MPDZ: variants seen among roughly 807,000 people sequenced by gnomAD.
The protein encoded by MPDZ is multiple PDZ domain crumbs cell polarity complex component, also known as multiple PDZ domain protein.
In MPDZ, 234 loss-of-function variants were observed where a neutral mutation model predicts 239.1. That is an observed-to-expected ratio of 0.98 (90% CI 0.88 to 1.09). The LOEUF is 1.09. Ranked by LOEUF, MPDZ falls within the 50% of genes least tolerant of loss-of-function variation. The pLI is 0.00. For missense variants in MPDZ, 3,175 were observed against 2,510.0 expected, an observed-to-expected ratio of 1.26 and a Z score of -5.66; for synonymous variants, 1,048 against 881.3, an observed-to-expected ratio of 1.19 and a Z score of -3.35.
intron 24 of MPDZ, among the ~76,000 whole-genome samples, chr9:13,154,640 C>T (rs1054527858): frequency 6.6e-6 from 1 of 152,090 alleles, no homozygotes; most frequent in Admixed American, 6.6e-5. Context: ...ATTGATAAAT[C>T]TTTTATTACT....
At chr9:13,204,453 AT>A (rs1042378030) in intron 12 of MPDZ, among the ~76,000 whole-genome samples, 14 of 152,210 alleles carry the variant, frequency 9.2e-5, no homozygotes, top group African/African-American at 3.1e-4. Context: ...GCTACTCTAA[AT>A]TTTTAAAAAT....
intron 37 of MPDZ, 45 bp from the exon 38 acceptor site, chr9:13,121,977 A>C (rs768326139): frequency 6.2e-7 from 1 of 1,600,580 alleles, no homozygotes; most frequent in African/African-American, 1.3e-5. Context: ...TGAGAAGTAA[A>C]GGAGAGTTAG....
intron 38 of MPDZ, 88 bp from the exon 39 acceptor site, chr9:13,119,737 T>C: frequency 4.1e-6 from 6 of 1,474,268 alleles, no homozygotes; most frequent in Non-Finnish European, 5.6e-6. Flanking sequence ...TTACCCAAAA[T>C]TTTTACTTGT....
chr9:13,167,137 T>C (rs1018814416), intron 22 of MPDZ, among the ~76,000 whole-genome samples: 6 of 152,098 alleles, frequency 3.9e-5, no homozygotes, highest in African/African-American at 7.2e-5. Flanking sequence ...GATAAATACA[T>C]AGTCTCCACA....
At chr9:13,113,315 G>C (rs973353635) in intron 41 of MPDZ, among the ~76,000 whole-genome samples, 4 of 152,058 alleles carry the variant, frequency 2.6e-5, no homozygotes, top group Non-Finnish European at 5.9e-5. Flanking sequence ...CACTTTGAAT[G>C]AGTCAAGGGC....
chr9:13,273,472 T>C (rs1227589635), intron 1 of MPDZ, among the ~76,000 whole-genome samples: 1 of 152,174 alleles, frequency 6.6e-6, no homozygotes, highest in African/African-American at 2.4e-5. Context: ...AAAGTTACTG[T>C]GAAATTAACA....
chr9:13,240,127 T>A (rs901598232), intron 3 of MPDZ, among the ~76,000 whole-genome samples: 9 of 152,036 alleles, frequency 5.9e-5, no homozygotes, highest in African/African-American at 2.2e-4. Flanking sequence ...CATGTTAGAA[T>A]TTTTGCAGTG....
intron 32 of MPDZ, 136 bp from the exon 33 acceptor site, chr9:13,126,908 A>G: frequency 1.5e-6 from 1 of 650,072 alleles, no homozygotes; most frequent in Non-Finnish European, 2.5e-6. Context: ...TAAATCTAAG[A>G]TCTTAGAAAT....
At chr9:13,189,984 T>C (rs1954670397) in intron 16 of MPDZ, 130 bp downstream of exon 16, 1 of 747,686 alleles carries the variant, frequency 1.3e-6, no homozygotes, top group Admixed American at 2.9e-5. Flanking sequence ...GTGAATCCTA[T>C]AAATCACTAT....
chr9:13,232,699 C>T (rs1288512777), intron 3 of MPDZ, among the ~76,000 whole-genome samples: 1 of 150,796 alleles, frequency 6.6e-6, no homozygotes. Flanking sequence ...AAAATAAAAA[C>T]AACTTCTGGT....
intron 8 of MPDZ, among the ~76,000 whole-genome samples, chr9:13,217,801 G>A (rs1412111): frequency 0.98 from 148,712 of 151,830 alleles, 72,897 homozygotes; most frequent in Middle Eastern, 1. Context: ...TGTAACTCAG[G>A]ATTAAGACTC....
In MPDZ at chr9:13,136,887, A is replaced by G. The variant is rs1048308969; in HGVS notation, c.4201-84T>C. 3 of 684,104 alleles carry G rather than the reference A, an allele frequency of 4.4e-6. No individual in the cohort carries two copies. In the African/African-American group the frequency reaches 5.6e-5, roughly 13 times the overall value. The allele number at this position is 684,104 out of a possible 1,614,324, so 42.4% of individuals were successfully genotyped here. ...ATCCTTCCTCATTAATGAAAAGCAC[A>G]TTTTTTCTTCCTTTAAAATATATTT... On this transcript the variant is annotated intron_variant, in intron 29 of 46. Transcript: ENST00000319217.
chr9:13,186,767 T>C (rs1214757529), intron 17 of MPDZ, among the ~76,000 whole-genome samples: 1 of 151,968 alleles, frequency 6.6e-6, no homozygotes, highest in Non-Finnish European at 1.5e-5. Flanking sequence ...AATATAGAAA[T>C]GAAGCAACTT....
chr9:13,126,411 T>G, intron 34 of MPDZ, 105 bp downstream of exon 34: 1 of 696,460 alleles, frequency 1.4e-6, no homozygotes, highest in Non-Finnish European at 2.4e-6. Flanking sequence ...AGAACATGTC[T>G]AATACAGCTA....
chr9:13,276,413 T>C (rs554397257), intron 1 of MPDZ, among the ~76,000 whole-genome samples: 19 of 152,318 alleles, frequency 1.2e-4, no homozygotes, highest in Non-Finnish European at 2.9e-5. Flanking sequence ...TGCTCTCCTA[T>C]GCATGACACT....
At chr9:13,187,051 C>T (rs938708149) in intron 17 of MPDZ, among the ~76,000 whole-genome samples, 3 of 152,140 alleles carry the variant, frequency 2.0e-5, no homozygotes, top group Non-Finnish European at 2.9e-5. Flanking sequence ...ATTTATTCCA[C>T]TCTCAGACGA....
At chr9:13,211,665 A>T (rs1419022671) in intron 10 of MPDZ, among the ~76,000 whole-genome samples, 1 of 152,120 alleles carries the variant, frequency 6.6e-6, no homozygotes, top group Admixed American at 6.6e-5. Flanking sequence ...GTCTGTAACA[A>T]CAAACTGTAA....
At chr9:13,142,964 C>T (rs1947928280) in intron 27 of MPDZ, among the ~76,000 whole-genome samples, 1 of 152,166 alleles carries the variant, frequency 6.6e-6, no homozygotes, top group Middle Eastern at 3.4e-3. Flanking sequence ...GAAACAGTTA[C>T]GTTTCCTGAT....
intron 11 of MPDZ, 67 bp from the exon 12 acceptor site, chr9:13,205,174 C>T: frequency 2.4e-6 from 2 of 840,280 alleles, no homozygotes; most frequent in South Asian, 2.3e-5. Context: ...TTTTCTAAAC[C>T]CAGTATATTT....
Sources: gnomAD v4.1 joint callset for allele counts (sites outside exome capture counted in the v4.1 genomes callset) on GRCh38, gnomAD v4.1.1 for gene constraint, MANE v1.5 for transcripts, NCBI Gene and HGNC (gene_info 2026-07-23, HGNC 2026-07-21) for gene names.